ADK: variants seen among roughly 807,000 people sequenced by gnomAD.
ADK encodes adenosine kinase.
ADK carries 24 observed loss-of-function variants against 44.7 expected under a neutral mutation model. That is an observed-to-expected ratio of 0.54 (90% CI 0.39 to 0.76). The LOEUF (loss-of-function observed/expected upper bound fraction) is 0.76. ADK is among the 30% of genes least tolerant of loss of function. The probability of loss-of-function intolerance (pLI) is 0.00; values close to 1 mark genes in which losing one functional copy is unlikely to be tolerated. For missense variants in ADK, 321 were observed against 425.1 expected (o/e 0.76, Z 2.15); for synonymous variants, 128 against 142.6 (o/e 0.90, Z 0.73).
At chr10:74,580,720 C>T (rs1287386645) in intron 7 of ADK, among the ~76,000 whole-genome samples, 1 of 152,138 alleles carries the variant, frequency 6.6e-6, no homozygotes, top group Admixed American at 6.5e-5. Context: ...CCAAATAAAC[C>T]TCTTTCTTTT....
intron 3 of ADK, among the ~76,000 whole-genome samples, chr10:74,266,516 A>G (rs976807373): frequency 6.6e-6 from 1 of 152,152 alleles, no homozygotes. Context: ...AGATCGCGCC[A>G]CTGCACTCCA....
intron 7 of ADK, among the ~76,000 whole-genome samples, chr10:74,529,734 GGTATTTATATA>G (rs1849208230): frequency 6.6e-6 from 1 of 152,020 alleles, no homozygotes; most frequent in Non-Finnish European, 1.5e-5. Flanking sequence ...CGCTTCAAGA[GGTATTTATATA>G]GTACCTAAGT....
intron 3 of ADK, among the ~76,000 whole-genome samples, chr10:74,299,440 C>T (rs930389880): frequency 7.6e-5 from 11 of 144,690 alleles, no homozygotes; most frequent in South Asian, 2.1e-4. Context: ...GTGGAGGATA[C>T]AGTGAGCTGA....
intron 9 of ADK, among the ~76,000 whole-genome samples, chr10:74,628,670 A>G (rs939666169): frequency 5.3e-5 from 8 of 152,034 alleles, no homozygotes; most frequent in African/African-American, 1.4e-4. Flanking sequence ...TACAACCAAG[A>G]TATTGTGTGA....
chr10:74,398,413 T>C lies in ADK; in HGVS notation c.447-58T>C. ...TGCAAAAAATATTGGTAATTATCTATTGAAACATATGCTAAGTTTGACTAT... is the reference window on the plus strand; with the variant it reads ...TGCAAAAAATATTGGTAATTATCTACTGAAACATATGCTAAGTTTGACTAT... On this transcript the variant is annotated intron_variant, in intron 5 of 10. Transcript: ENST00000539909. The C allele has an allele frequency of 2.6e-6, 3 of 1,175,618 alleles. No homozygotes were observed. In the South Asian group the frequency reaches 4.3e-5, roughly 17 times the overall value. 72.8% of individuals were successfully genotyped at this position (1,175,618 alleles called of 1,614,324 possible).
chr10:74,596,535 T>TTC lies in ADK; in HGVS notation c.763-3828_763-3827dup, dbSNP rs1032294440. Among the ~76,000 whole-genome samples, 45 of 151,156 alleles carry TTC rather than the reference T, an allele frequency of 3.0e-4. 1 individual carries two copies. The highest frequency in any genetic ancestry group is 6.8e-3 in the Middle Eastern group (2 of 292). ...AATCCCTATCAAAATTCCAATGTCA[T>TTC]TCTCTCTCTCTCTCTCTTTTTTTTT... On this transcript the variant is annotated intron_variant, in intron 8 of 10. Coordinates refer to ENST00000539909, the MANE Select transcript of ADK (RefSeq NM_006721.4).
At chr10:74,184,451 C>G (rs1245866804) in intron 1 of ADK, among the ~76,000 whole-genome samples, 1 of 151,924 alleles carries the variant, frequency 6.6e-6, no homozygotes, top group African/African-American at 2.4e-5. Context: ...CACCTCAGCC[C>G]TCCAGAGAGG....
At chr10:74,498,285 A>T (rs1025888281) in intron 6 of ADK, among the ~76,000 whole-genome samples, 2 of 152,222 alleles carry the variant, frequency 1.3e-5, no homozygotes, top group African/African-American at 4.8e-5. Context: ...CCTTATGTAA[A>T]TCATTAAGAT....
At chr10:74,224,898 A>C (rs1844471555) in intron 3 of ADK, among the ~76,000 whole-genome samples, 1 of 152,106 alleles carries the variant, frequency 6.6e-6, no homozygotes, top group African/African-American at 2.4e-5. Context: ...AATTGTTCCT[A>C]TTTTCTTTCT....
chr10:74,226,791 C>T (rs1844560753), intron 3 of ADK, among the ~76,000 whole-genome samples: 1 of 151,970 alleles, frequency 6.6e-6, no homozygotes, highest in Admixed American at 6.6e-5. Context: ...TTCATTTTTG[C>T]AGATTAACAT....
At chr10:74,234,441 T>C (rs1297946591) in intron 3 of ADK, among the ~76,000 whole-genome samples, 3 of 152,214 alleles carry the variant, frequency 2.0e-5, no homozygotes, top group African/African-American at 7.2e-5. Context: ...CTTTCCATTT[T>C]GTATAAGTTC....
chr10:74,414,776 C>G (rs1453377141), intron 6 of ADK, among the ~76,000 whole-genome samples: 3 of 152,074 alleles, frequency 2.0e-5, no homozygotes, highest in South Asian at 2.1e-4. Context: ...TTTAATTTCT[C>G]TAGAATTTGT....
In ADK at chr10:74,211,863, G is replaced by T. The variant is rs1843823645; in HGVS notation, c.140+11025G>T. 4.0e-5 allele frequency among the ~76,000 whole-genome samples: 6 copies of T among 151,860 alleles called. No homozygotes were observed. The South Asian group carries it at 1.2e-3, about 32-fold the overall frequency. ...TTTTTATATGTTTATATTTTTTAAA[G>T]GTATCTTCAAAAAAAGTTGTATCTA... is the stretch of plus-strand genomic sequence containing the variant. On this transcript the variant is annotated intron_variant, in intron 2 of 10. Coordinates refer to ENST00000539909, the MANE Select transcript of ADK (RefSeq NM_006721.4).
chr10:74,554,833 G>A (rs1158520940), intron 7 of ADK, among the ~76,000 whole-genome samples: 1 of 150,940 alleles, frequency 6.6e-6, no homozygotes, highest in Non-Finnish European at 1.5e-5. Context: ...CTTTCCCACA[G>A]AATATCGTTC....
rs866859060 is a variant in ADK at position 74,227,568 on chromosome 10, G to A, written c.194+2977G>A. ...CTACGAAAAACTTAAAAAAGGCCGG[G>A]CACGGTGGCTCACGCCTGTAATCCC... On this transcript the variant is annotated intron_variant, in intron 3 of 10. Coordinates refer to ENST00000539909, the MANE Select transcript of ADK (RefSeq NM_006721.4). Among the ~76,000 whole-genome samples, 24 of 152,166 alleles carry A rather than the reference G, an allele frequency of 1.6e-4. 1 individual carries two copies. The highest frequency in any genetic ancestry group is 9.7e-5 in the African/African-American group (4 of 41,434).
intron 7 of ADK, among the ~76,000 whole-genome samples, chr10:74,583,554 G>A (rs1005958044): frequency 5.3e-5 from 8 of 152,078 alleles, no homozygotes; most frequent in Admixed American, 5.2e-4. Context: ...GACCACACTT[G>A]CTTTGAAGTT....
chr10:74,676,747 G>A (rs1043215579), intron 10 of ADK, among the ~76,000 whole-genome samples: 1 of 152,106 alleles, frequency 6.6e-6, no homozygotes, highest in Non-Finnish European at 1.5e-5. Flanking sequence ...TGATTAAAAT[G>A]ACAATTCATT....
intron 6 of ADK, among the ~76,000 whole-genome samples, chr10:74,406,213 A>T (rs986319676): frequency 2.6e-5 from 4 of 152,096 alleles, no homozygotes; most frequent in African/African-American, 9.7e-5. Context: ...TTGTTTCATG[A>T]TAGGGAGTAA....
intron 3 of ADK, among the ~76,000 whole-genome samples, chr10:74,307,607 T>C (rs1840301132): frequency 6.6e-6 from 1 of 152,230 alleles, no homozygotes; most frequent in African/African-American, 2.4e-5. Flanking sequence ...CCATATATTA[T>C]GTTTTGATAA....
Sources: allele counts gnomAD v4.1 joint callset (sites outside exome capture counted in the v4.1 genomes callset), GRCh38; gene constraint gnomAD v4.1.1; transcripts MANE v1.5; gene names NCBI Gene and HGNC (gene_info 2026-07-23, HGNC 2026-07-21).